Variants in ZNF608 observed in about 807,000 individuals in gnomAD.
ZNF608 encodes renal carcinoma antigen NY-REN-36.
In ZNF608, 12 loss-of-function variants were observed where a neutral mutation model predicts 109.0. That is an observed-to-expected ratio of 0.11 (90% CI 0.07 to 0.18). ZNF608 has a LOEUF of 0.18. ZNF608 is among the 10% of genes least tolerant of loss of function. ZNF608 has a pLI of 1.00. For synonymous variants in ZNF608, 732 were observed against 717.4 expected (o/e 1.02, Z -0.33); for missense variants, 1,707 against 1,879.3 (o/e 0.91, Z 1.70).
intron 4 of ZNF608, 34 bp downstream of exon 4, chr5:124,649,576 G>A (rs1198122175): frequency 6.6e-7 from 1 of 1,516,316 alleles, no homozygotes. Context: ...AAGAGAGGAT[G>A]GGGAAGGAGA....
chr5:124,682,320 G>T (rs949456401), intron 3 of ZNF608, among the ~76,000 whole-genome samples: 2 of 152,194 alleles, frequency 1.3e-5, no homozygotes, highest in African/African-American at 4.8e-5. Flanking sequence ...TGATCCTTCC[G>T]CCTTGGCCTC....
intron 2 of ZNF608, among the ~76,000 whole-genome samples, chr5:124,702,069 C>T (rs1753075639): frequency 6.6e-6 from 1 of 152,200 alleles, no homozygotes; most frequent in Admixed American, 6.5e-5. Context: ...ATGGCATCCC[C>T]TTTGCACCGC....
rs923428421 is a variant in ZNF608 at position 124,637,843 on chromosome 5, G to C, written c.*57C>G. ...AATTAACACCATGGAACTGATGTCT[G>C]TATAAAGCGCTTCCCCATGTGATCC... On this transcript the variant is annotated 3_prime_UTR_variant, in exon 10 of 10. Transcript: ENST00000513986. 2.5e-5 allele frequency: 40 copies of C among 1,587,602 alleles called. No individual in the cohort carries two copies. The East Asian group carries it at 9.2e-4, about 37-fold the overall frequency.
chr5:124,730,877 G>A (rs1366540138), intron 2 of ZNF608, among the ~76,000 whole-genome samples: 1 of 152,156 alleles, frequency 6.6e-6, no homozygotes, highest in African/African-American at 2.4e-5. Context: ...GTATTTCGGG[G>A]GGTTGTTTTT....
chr5:124,639,165 T>A lies in ZNF608; in HGVS notation c.4500A>T (p.Ala1500=). ...LVASQQVAAQ[A]SASGMFPGQR... ...GTCCAGGAAACATTCCAGATGCAGA[T>A]GCCTGGGCAGCCACCTGCTGAGAGG... The change falls in exon 9 of 10, where the codon GCA becomes GCT. Residue 1500 remains alanine (A), a synonymous_variant. Coordinates refer to ENST00000513986, the MANE Select transcript of ZNF608 (RefSeq NM_020747.3). 1 of 1,614,224 alleles carries A rather than the reference T, an allele frequency of 6.2e-7. No homozygotes were observed. The highest frequency in any genetic ancestry group is 8.5e-7 in the Non-Finnish European group (1 of 1,180,028).
chr5:124,656,797 TAAACACACACACAC>T (rs1240074598), intron 3 of ZNF608, among the ~76,000 whole-genome samples: 1 of 86,020 alleles, frequency 1.2e-5, no homozygotes, highest in Non-Finnish European at 2.4e-5. Context: ...GAATAAGCCC[TAAACACACACACAC>T]ACACACACAC....
At chr5:124,733,374 A>G (rs939730919) in intron 2 of ZNF608, among the ~76,000 whole-genome samples, 3 of 152,120 alleles carry the variant, frequency 2.0e-5, no homozygotes, top group African/African-American at 7.2e-5. Context: ...AATGCTTCCA[A>G]GATGCACAGT....
intron 2 of ZNF608, among the ~76,000 whole-genome samples, chr5:124,724,322 C>G (rs80093973): frequency 0.16 from 24,164 of 151,736 alleles, 2,418 homozygotes; most frequent in Admixed American, 0.26. Flanking sequence ...GAAGTAAAAC[C>G]TACTTTTCAT....
intron 2 of ZNF608, among the ~76,000 whole-genome samples, chr5:124,709,839 C>T (rs75049292): frequency 0.18 from 27,377 of 152,154 alleles, 2,705 homozygotes; most frequent in Admixed American, 0.27. Context: ...ATCGTAAAGG[C>T]ACTAAAAAAG....
At chr5:124,697,364 TTTG>T (rs759825504) in intron 3 of ZNF608, among the ~76,000 whole-genome samples, 10 of 152,024 alleles carry the variant, frequency 6.6e-5, no homozygotes, top group Non-Finnish European at 1.5e-4. Context: ...TCTGGTTTGT[TTTG>T]TTATTTTTTT....
chr5:124,645,040 C>T (rs948433724), intron 5 of ZNF608, among the ~76,000 whole-genome samples: 14 of 152,208 alleles, frequency 9.2e-5, no homozygotes, highest in African/African-American at 3.4e-4. Flanking sequence ...TTAATTCTGT[C>T]TTCGTTTGCC....
intron 2 of ZNF608, chr5:124,708,714 G>T: frequency 2.2e-6 from 1 of 456,290 alleles, no homozygotes; most frequent in Non-Finnish European, 4.4e-6. Context: ...CTCATTATCA[G>T]GTATGAAGAC....
At position 124,708,740 on chromosome 5, in the gene ZNF608, G is replaced by C. The variant is rs1035937087; in HGVS notation, c.907-7471C>G. 3.9e-5 allele frequency: 18 copies of C among 456,154 alleles called. 1 individual carries two copies. Among genetic ancestry groups the C allele is most frequent in the Non-Finnish European group, 7.0e-5 (16 of 226,978 alleles). 28.3% of individuals were successfully genotyped at this position (456,154 alleles called of 1,614,324 possible). On this transcript the variant is annotated intron_variant, in intron 2 of 9. Coordinates refer to ENST00000513986, the MANE Select transcript of ZNF608 (RefSeq NM_020747.3). ...GTATGAAGACCAACCCTGCCCTCAA[G>C]TGCTGTTCAGGCTTAGCAGCTGATC...
intron 3 of ZNF608, among the ~76,000 whole-genome samples, chr5:124,676,492 CT>C (rs1374740918): frequency 6.6e-6 from 1 of 152,102 alleles, no homozygotes; most frequent in East Asian, 1.9e-4. Flanking sequence ...AAATATGGAA[CT>C]TTCTTTGAAG....
At chr5:124,727,733 CTTTTTTTTTT>C (rs1182383879) in intron 2 of ZNF608, among the ~76,000 whole-genome samples, 2 of 77,872 alleles carry the variant, frequency 2.6e-5, no homozygotes, top group Non-Finnish European at 2.3e-5. Flanking sequence ...TCCAGGTATC[CTTTTTTTTTT>C]TTTTTTTTTT....
intron 3 of ZNF608, among the ~76,000 whole-genome samples, chr5:124,652,464 ATCTT>A (rs1417738844): frequency 1.6e-4 from 24 of 152,192 alleles, no homozygotes; most frequent in Non-Finnish European, 2.1e-4. Flanking sequence ...GCTTGTGTCT[ATCTT>A]TCTTTATATG....
intron 3 of ZNF608, among the ~76,000 whole-genome samples, chr5:124,651,797 A>G (rs1750792699): frequency 1.3e-5 from 2 of 152,242 alleles, no homozygotes; most frequent in South Asian, 2.1e-4. Context: ...CGCCCGGAGC[A>G]CAGAGGCAGC....
intron 3 of ZNF608, among the ~76,000 whole-genome samples, chr5:124,667,000 A>G (rs1280159730): frequency 6.6e-6 from 1 of 152,188 alleles, no homozygotes; most frequent in African/African-American, 2.4e-5. Flanking sequence ...ATATATGAGT[A>G]AATATGGCCA....
At chr5:124,638,731 T>C in intron 9 of ZNF608, 1 of 522,042 alleles carries the variant, frequency 1.9e-6, no homozygotes, top group South Asian at 4.0e-5. Context: ...TAAATCATTT[T>C]CCTTCATAAA....
Sources: allele counts gnomAD v4.1 joint callset (sites outside exome capture counted in the v4.1 genomes callset), GRCh38; gene constraint gnomAD v4.1.1; transcripts MANE v1.5; gene names NCBI Gene and HGNC (gene_info 2026-07-23, HGNC 2026-07-21).